The following HS6ST3 variants were observed in gnomAD, a reference collection of about 807,000 sequenced individuals.
HS6ST3 encodes the protein heparan-sulfate 6-O-sulfotransferase 3.
HS6ST3 carries 12 observed loss-of-function variants against 36.7 expected under a neutral mutation model. The ratio of observed to expected loss-of-function variants is 0.33; its 90% CI spans 0.21 to 0.53. The LOEUF is 0.53. HS6ST3 is among the 20% of genes least tolerant of loss of function. The pLI, the probability that HS6ST3 is intolerant of heterozygous loss-of-function variation, is 0.95. For synonymous variants in HS6ST3, 240 were observed against 257.5 expected (o/e 0.93, Z 0.65); for missense variants, 584 against 640.9 (o/e 0.91, Z 0.96).
intron 1 of HS6ST3, among the ~76,000 whole-genome samples, chr13:96,622,614 TA>T (rs2056498978): frequency 1.6e-4 from 5 of 30,312 alleles, no homozygotes; most frequent in Non-Finnish European, 3.1e-4. Context: ...AAACAATTAC[TA>T]TAAAATATCT....
At chr13:96,119,742 A>G (rs1008353893) in intron 1 of HS6ST3, among the ~76,000 whole-genome samples, 1 of 152,150 alleles carries the variant, frequency 6.6e-6, no homozygotes, top group Non-Finnish European at 1.5e-5. Context: ...GCAGTTATTT[A>G]ATACATTTCT....
chr13:96,388,715 T>C (rs887832596), intron 1 of HS6ST3, among the ~76,000 whole-genome samples: 8 of 152,152 alleles, frequency 5.3e-5, no homozygotes, highest in African/African-American at 1.9e-4. Flanking sequence ...GTGGAGGTAA[T>C]TGAATCATGG....
intron 1 of HS6ST3, among the ~76,000 whole-genome samples, chr13:96,303,310 T>C (rs555116332): frequency 1.3e-5 from 2 of 152,324 alleles, no homozygotes; most frequent in South Asian, 4.1e-4. Context: ...CAGAGAAGCT[T>C]AGATCTAGTG....
chr13:96,432,268 C>T (rs1020756280), intron 1 of HS6ST3, among the ~76,000 whole-genome samples: 8 of 152,226 alleles, frequency 5.3e-5, no homozygotes, highest in African/African-American at 1.9e-4. Flanking sequence ...TGCAAATTAC[C>T]TCAGTGGTAC....
chr13:96,464,153 A>AAAAAAAG (rs1329850713), intron 1 of HS6ST3, among the ~76,000 whole-genome samples: 11 of 148,710 alleles, frequency 7.4e-5, no homozygotes, highest in Non-Finnish European at 1.6e-4. Flanking sequence ...AAAAAAAAAA[A>AAAAAAAG]AAAAAAAATC....
At chr13:96,202,377 A>G (rs974894910) in intron 1 of HS6ST3, among the ~76,000 whole-genome samples, 2 of 152,116 alleles carry the variant, frequency 1.3e-5, no homozygotes, top group Admixed American at 6.6e-5. Context: ...CTTCCTTTTT[A>G]TGTAACTGCG....
At chr13:96,322,354 G>A (rs1006486817) in intron 1 of HS6ST3, among the ~76,000 whole-genome samples, 4 of 148,174 alleles carry the variant, frequency 2.7e-5, no homozygotes, top group African/African-American at 1.0e-4. Context: ...AGACCAGCCT[G>A]GGCAACATGG....
intron 1 of HS6ST3, among the ~76,000 whole-genome samples, chr13:96,603,265 C>T (rs1039844548): frequency 6.6e-6 from 1 of 152,120 alleles, no homozygotes; most frequent in Admixed American, 6.6e-5. Flanking sequence ...AACCATGATG[C>T]CGATTTCTGT....
chr13:96,742,619 A>G (rs763089346), intron 1 of HS6ST3, among the ~76,000 whole-genome samples: 10 of 152,142 alleles, frequency 6.6e-5, no homozygotes, highest in Non-Finnish European at 1.3e-4. Flanking sequence ...ACAATTAAAT[A>G]TCACAATTTC....
intron 1 of HS6ST3, among the ~76,000 whole-genome samples, chr13:96,177,860 C>A (rs2054219884): frequency 2.0e-5 from 3 of 152,110 alleles, no homozygotes; most frequent in Admixed American, 2.0e-4. Flanking sequence ...AGAGACTTAT[C>A]AACCAGTCAT....
chr13:96,633,164 C>T (rs780374892), intron 1 of HS6ST3, among the ~76,000 whole-genome samples: 19 of 152,184 alleles, frequency 1.2e-4, no homozygotes, highest in Admixed American at 4.6e-4. Flanking sequence ...CGGGTGTGCA[C>T]GTCAGCAGGG....
rs118166330 is a variant in HS6ST3 at position 96,411,207 on chromosome 13, C to T, written c.707+319638C>T. On this transcript the variant is annotated intron_variant, in intron 1 of 1. Coordinates refer to ENST00000376705, the MANE Select transcript of HS6ST3 (RefSeq NM_153456.4). The stretch of plus-strand genomic sequence containing the variant: ...AGGAAAGGAATAACCTCTTAGCCAC[C>T]CCCACAGTCCCCCATTCCATCATGA... 2.5e-4 allele frequency among the ~76,000 whole-genome samples: 38 copies of T among 152,090 alleles called. No individual in the cohort carries two copies. In the East Asian group the frequency reaches 3.9e-3, roughly 15 times the overall value.
chr13:96,218,035 A>G (rs75753720), intron 1 of HS6ST3, among the ~76,000 whole-genome samples: 1,751 of 152,296 alleles, frequency 0.011, 36 homozygotes, highest in African/African-American at 0.04. Context: ...TCCCAATAAG[A>G]AAGACATGAA....
intron 1 of HS6ST3, among the ~76,000 whole-genome samples, chr13:96,227,924 G>A (rs1329493563): frequency 6.6e-6 from 1 of 152,138 alleles, no homozygotes; most frequent in Non-Finnish European, 1.5e-5. Context: ...TATTCCAAGA[G>A]AGGACTTGTA....
chr13:96,198,143 C>T (rs1257555405), intron 1 of HS6ST3, among the ~76,000 whole-genome samples: 1 of 152,236 alleles, frequency 6.6e-6, no homozygotes, highest in Non-Finnish European at 1.5e-5. Flanking sequence ...TCTGAAGCCA[C>T]AGCCTGAGCT....
intron 1 of HS6ST3, among the ~76,000 whole-genome samples, chr13:96,649,877 A>C (rs2056601733): frequency 6.6e-6 from 1 of 152,052 alleles, no homozygotes; most frequent in Admixed American, 6.6e-5. Context: ...AAAATACTGT[A>C]GATTTTGCTG....
intron 1 of HS6ST3, among the ~76,000 whole-genome samples, chr13:96,591,467 G>A (rs1297584453): frequency 6.6e-6 from 1 of 151,828 alleles, no homozygotes; most frequent in Non-Finnish European, 1.5e-5. Context: ...ATTCTAAATG[G>A]GATTACTTTT....
Position 96,671,611 on chromosome 13 carries a change from G to A in HS6ST3, c.708-160879G>A, listed in dbSNP as rs548706807. Among the ~76,000 whole-genome samples, 9 of 152,242 alleles carry A rather than the reference G, an allele frequency of 5.9e-5. No homozygotes were observed. In the South Asian group the frequency reaches 1.7e-3, roughly 28 times the overall value. ...GCAAGGTTGGTTCCTTCTGAGGGCT[G>A]GGAGGAGGATCTGTTCCAGGCCCCT... is the stretch of plus-strand genomic sequence containing the variant. On this transcript the variant is annotated intron_variant, in intron 1 of 1. Transcript: ENST00000376705.
chr13:96,520,582 G>A (rs1196697897), intron 1 of HS6ST3, among the ~76,000 whole-genome samples: 1 of 152,116 alleles, frequency 6.6e-6, no homozygotes, highest in African/African-American at 2.4e-5. Context: ...TCCCTTGTAA[G>A]TTGCATTCCT....
Sources: gnomAD v4.1 joint callset for allele counts (sites outside exome capture counted in the v4.1 genomes callset) on GRCh38, gnomAD v4.1.1 for gene constraint, MANE v1.5 for transcripts, NCBI Gene and HGNC (gene_info 2026-07-23, HGNC 2026-07-21) for gene names.